GNB1L: variants seen among roughly 807,000 people sequenced by gnomAD.
GNB1L encodes G protein subunit beta 1 like, also known as guanine nucleotide-binding protein subunit beta-like protein 1.
A neutral mutation model predicts 29.1 loss-of-function variants in GNB1L; 20 were observed. That is an observed-to-expected ratio of 0.69 (90% CI 0.48 to 1.00). The LOEUF (loss-of-function observed/expected upper bound fraction) is 1.00, where lower values mean the gene tolerates loss of function less well. Ranked by LOEUF, GNB1L falls within the 50% of genes least tolerant of loss-of-function variation. GNB1L has a pLI of 0.00. For synonymous variants in GNB1L, 193 were observed against 206.5 expected (o/e 0.93, Z 0.56); for missense variants, 421 against 464.9 (o/e 0.91, Z 0.87).
chr22:19,792,293 G>T (rs1982985295), intron 7 of GNB1L: 3 of 733,710 alleles, frequency 4.1e-6, no homozygotes, highest in Non-Finnish European at 7.1e-6. Flanking sequence ...CACCACCCAA[G>T]ATGCCAAAAG....
intron 2 of GNB1L, among the ~76,000 whole-genome samples, chr22:19,843,439 C>T (rs1937896825): frequency 6.6e-6 from 1 of 152,180 alleles, no homozygotes; most frequent in Non-Finnish European, 1.5e-5. Context: ...AGCCCGATGG[C>T]GAGGGGGAGC....
intron 7 of GNB1L, chr22:19,792,731 G>A: frequency 6.6e-7 from 1 of 1,509,990 alleles, no homozygotes; most frequent in East Asian, 2.3e-5. Flanking sequence ...TCACCACCTT[G>A]GTGGAGAACA....
chr22:19,806,513 A>T, intron 6 of GNB1L, 146 bp downstream of exon 6: 1 of 605,116 alleles, frequency 1.7e-6, no homozygotes, highest in Non-Finnish European at 2.9e-6. Context: ...GGCCGTGGGG[A>T]CACTGAGGCA....
intron 2 of GNB1L, among the ~76,000 whole-genome samples, chr22:19,825,503 T>C (rs1194740646): frequency 1.3e-5 from 2 of 151,718 alleles, no homozygotes; most frequent in Non-Finnish European, 1.5e-5. Context: ...ATGCCTGTGG[T>C]CCCAGCTACT....
intron 5 of GNB1L, among the ~76,000 whole-genome samples, chr22:19,808,146 C>T (rs760494870): frequency 2.0e-5 from 3 of 152,132 alleles, no homozygotes; most frequent in African/African-American, 7.2e-5. Flanking sequence ...ACCAGGAGCT[C>T]AGCCTCCAAC....
rs140821525 is a variant in GNB1L at position 19,788,883 on chromosome 22, G to A, written c.810C>T (p.Thr270=). The A allele has an allele frequency of 2.3e-3, 3,741 of 1,612,894 alleles. 35 individuals are homozygous for A. The highest frequency in any genetic ancestry group is 0.017 in the South Asian group (1,509 of 91,058). Residue 270 remains threonine, a synonymous_variant, in exon 8 of 8, where the codon ACC becomes ACT. Transcript: ENST00000329517. ...TIRPDRKILA[T]AGWDHRIRVF... is the part of the protein sequence containing the mutation. ...CGCGGATGCGGTGGTCCCAGCCTGC[G>A]GTGGCCAGGATCTTGCGATCTGGCC...
At chr22:19,852,176 T>G (rs771923613) in intron 2 of GNB1L, 3 of 1,613,918 alleles carry the variant, frequency 1.9e-6, no homozygotes, top group Non-Finnish European at 2.5e-6. Flanking sequence ...CTTGTCCATC[T>G]GCTGCCATGG....
rs368485260 is a variant in GNB1L, at chr22:19,853,729, T to C, written c.-21+714A>G. 1.6e-3 allele frequency among the ~76,000 whole-genome samples: 221 copies of C among 137,200 alleles called. 3 individuals carry two copies. Among genetic ancestry groups the C allele is most frequent in the African/African-American group, 6.1e-3 (218 of 35,838 alleles). 90.0% of individuals were successfully genotyped at this position (137,200 alleles called of 152,430 possible). A position where few individuals can be genotyped will look rare whatever the true frequency, so the allele number is the denominator to read the frequency against. ...GTCTGACCCCCCTCTGGGGGGGGGG[T>C]CTTCACCTGAAAGCCCAGCCCATGA... On this transcript the variant is annotated intron_variant, in intron 2 of 7. Transcript: ENST00000329517.
chr22:19,850,702 G>A, intron 2 of GNB1L: 1 of 1,234,384 alleles, frequency 8.1e-7, no homozygotes, highest in Non-Finnish European at 1.0e-6. Flanking sequence ...GGAGCAGAGA[G>A]GGTGGGGCTA....
At position 19,816,595 on chromosome 22, in the gene GNB1L, T is replaced by C. The variant is rs9618701; in HGVS notation, c.254+4003A>G. Among the ~76,000 whole-genome samples, 48,046 of 151,988 alleles carry C rather than the reference T, an allele frequency of 0.32. 9,082 individuals carry two copies. The highest frequency in any genetic ancestry group is 0.53 in the African/African-American group (22,069 of 41,418). The stretch of plus-strand genomic sequence containing the variant: ...CTAGGGAACACACACATGCCTCACA[T>C]GCATGCACACAACACACAATCACAC... On this transcript the variant is annotated intron_variant, in intron 4 of 7. Coordinates refer to ENST00000329517, the MANE Select transcript of GNB1L (RefSeq NM_053004.3). The surrounding 1 kb of genome is among the most constrained non-coding windows in gnomAD (Gnocchi z 4.4).
chr22:19,850,709 G>T (rs1304859531), intron 2 of GNB1L: 2 of 1,235,992 alleles, frequency 1.6e-6, no homozygotes, highest in Non-Finnish European at 2.0e-6. Context: ...AGAGGGTGGG[G>T]CTAGGGGGAC....
chr22:19,803,238 G>A (rs1342625371), intron 6 of GNB1L, among the ~76,000 whole-genome samples: 1 of 152,234 alleles, frequency 6.6e-6, no homozygotes, highest in Non-Finnish European at 1.5e-5. Flanking sequence ...GCCAGAGCTG[G>A]TCCAGTGGTC....
chr22:19,851,361 G>C (rs1938092346), intron 2 of GNB1L: 1 of 1,614,168 alleles, frequency 6.2e-7, no homozygotes, highest in East Asian at 2.2e-5. Flanking sequence ...GACAGTCTAG[G>C]GACAGGTGTG....
intron 2 of GNB1L, among the ~76,000 whole-genome samples, chr22:19,842,009 C>T (rs546453940): frequency 1.3e-5 from 2 of 152,340 alleles, no homozygotes; most frequent in South Asian, 4.1e-4. Flanking sequence ...ACACAGGTGG[C>T]TGGTGAATGG....
In GNB1L at chr22:19,792,482, G is replaced by A. The variant is rs1372438158; in HGVS notation, c.733-3522C>T. 13 of 1,576,832 alleles carry A rather than the reference G, an allele frequency of 8.2e-6. No homozygotes were observed. The East Asian group carries it at 2.2e-4, about 27-fold the overall frequency. ...TGAAATGGCCCCGCTATATCAGGTT[G>A]CAGCGGCAGAGAGCCATCCTCTATA... On this transcript the variant is annotated intron_variant, in intron 7 of 7. Coordinates refer to ENST00000329517, the MANE Select transcript of GNB1L (RefSeq NM_053004.3).
At chr22:19,814,042 G>A (rs1937516340) in intron 4 of GNB1L, among the ~76,000 whole-genome samples, 1 of 152,090 alleles carries the variant, frequency 6.6e-6, no homozygotes, top group Non-Finnish European at 1.5e-5. Context: ...CTCTGAAGCT[G>A]GAACAATCTG....
chr22:19,848,634 T>C, intron 2 of GNB1L: 1 of 985,380 alleles, frequency 1.0e-6, no homozygotes, highest in South Asian at 4.7e-5. Flanking sequence ...GCGTTTTAAT[T>C]AAAAACCAGG....
chr22:19,814,175 C>T (rs1937516690), intron 4 of GNB1L, among the ~76,000 whole-genome samples: 1 of 152,102 alleles, frequency 6.6e-6, no homozygotes, highest in Non-Finnish European at 1.5e-5. Flanking sequence ...ACCTTCCTTC[C>T]AGCTTCCTAT....
At chr22:19,806,416 C>T (rs1316527057) in intron 6 of GNB1L, among the ~76,000 whole-genome samples, 1 of 152,210 alleles carries the variant, frequency 6.6e-6, no homozygotes, top group African/African-American at 2.4e-5. Context: ...TTGCAAAGGA[C>T]GAGGACCTGC....
Sources: allele counts gnomAD v4.1 joint callset (sites outside exome capture counted in the v4.1 genomes callset), GRCh38; gene constraint gnomAD v4.1.1; non-coding constraint Gnocchi (gnomAD v3.1); transcripts MANE v1.5; gene names NCBI Gene and HGNC (gene_info 2026-07-23, HGNC 2026-07-21).